The following KSR2 variants were observed in gnomAD, a reference collection of about 807,000 sequenced individuals.
KSR2 encodes kinase suppressor of ras 2.
Under a neutral mutation model 107.8 loss-of-function variants are expected in KSR2, and 25 were observed. That is an observed-to-expected ratio of 0.23 (90% confidence interval 0.17 to 0.32). The LOEUF (loss-of-function observed/expected upper bound fraction) is 0.32, where lower values mean the gene tolerates loss of function less well. Among genes scored for constraint, KSR2 ranks in the 10% least tolerant of loss-of-function variants. The probability of loss-of-function intolerance (pLI) is 1.00; values close to 1 mark genes in which losing one functional copy is unlikely to be tolerated. For synonymous variants in KSR2, 480 were observed against 507.0 expected (o/e 0.95, Z 0.71); for missense variants, 887 against 1,268.9 (o/e 0.70, Z 4.57).
intron 4 of KSR2, among the ~76,000 whole-genome samples, chr12:117,760,746 C>G (rs1565999478): frequency 6.6e-6 from 1 of 152,206 alleles, no homozygotes; most frequent in Non-Finnish European, 1.5e-5. Context: ...GTTCCAATAC[C>G]TTTTATTTAC....
At chr12:117,574,624 T>TC (rs1395188753) in intron 7 of KSR2, among the ~76,000 whole-genome samples, 12 of 152,094 alleles carry the variant, frequency 7.9e-5, no homozygotes, top group Admixed American at 6.5e-4. Flanking sequence ...TCCTGCCGGG[T>TC]CCCTCCCACA....
At chr12:117,964,595 T>C (rs530894676) in intron 1 of KSR2, among the ~76,000 whole-genome samples, 1 of 152,320 alleles carries the variant, frequency 6.6e-6, no homozygotes, top group South Asian at 2.1e-4. Context: ...GTCAACACCA[T>C]GTAATGCCAA....
chr12:117,902,201 G>A (rs1009824970), intron 1 of KSR2, among the ~76,000 whole-genome samples: 2 of 152,206 alleles, frequency 1.3e-5, no homozygotes, highest in African/African-American at 2.4e-5. Context: ...GCTCACACCT[G>A]TAATCCCAGA....
At position 117,705,556 on chromosome 12, in the gene KSR2, G is replaced by A. The variant is rs1379341244; in HGVS notation, c.987-37898C>T. ...AATAACTTCAGGTCCTACAGCCCCA[G>A]CCTCAACTTGGCCTTGGCTTGACAT... On this transcript the variant is annotated intron_variant, in intron 4 of 19. Coordinates refer to ENST00000339824, the MANE Select transcript of KSR2 (RefSeq NM_173598.6). 2.0e-5 allele frequency among the ~76,000 whole-genome samples: 3 copies of A among 152,168 alleles called. No individual in the cohort carries two copies. In the East Asian group the frequency reaches 5.8e-4, roughly 29 times the overall value.
At chr12:117,468,413 T>C (rs2137109435) in intron 19 of KSR2, among the ~76,000 whole-genome samples, 2 of 152,300 alleles carry the variant, frequency 1.3e-5, no homozygotes, top group South Asian at 4.1e-4. Context: ...TCTATGTCTG[T>C]CTGTAAAGTT....
At chr12:117,705,790 T>C (rs1383507287) in intron 4 of KSR2, among the ~76,000 whole-genome samples, 1 of 152,136 alleles carries the variant, frequency 6.6e-6, no homozygotes, top group Non-Finnish European at 1.5e-5. Flanking sequence ...CTCCCCTCTT[T>C]GGGAATTCTT....
At chr12:117,527,191 C>T (rs1048510074) in intron 12 of KSR2, 72 bp from the exon 13 acceptor site, 21 of 1,104,008 alleles carry the variant, frequency 1.9e-5, no homozygotes, top group Admixed American at 1.1e-4. Context: ...TAGCTATGTA[C>T]GAAGAATCCC....
chr12:117,567,147 T>C (rs1263344879), intron 7 of KSR2, among the ~76,000 whole-genome samples: 1 of 152,014 alleles, frequency 6.6e-6, no homozygotes, highest in South Asian at 2.1e-4. Flanking sequence ...AAATAAAACA[T>C]AGTAGTATGT....
In KSR2 at chr12:117,456,696, A is replaced by C; in HGVS notation, c.*10503T>G. ...ACTCGTCCTCTCTGTTACCCTTCCC[A>C]ATCCTGGGACTGCCGGAAGCTCCAG... On this transcript the variant is annotated 3_prime_UTR_variant, in exon 20 of 20. Transcript: ENST00000339824. The C allele has an allele frequency of 6.6e-6, 1 of 152,104 alleles. No individual in the cohort carries two copies. The highest frequency in any genetic ancestry group is 1.9e-4 in the East Asian group (1 of 5,194). The allele number at this position is 152,104 out of a possible 1,614,324, so 9.4% of individuals were successfully genotyped here.
chr12:117,666,369 T>C (rs1884660632), intron 5 of KSR2, among the ~76,000 whole-genome samples: 1 of 152,206 alleles, frequency 6.6e-6, no homozygotes, highest in Non-Finnish European at 1.5e-5. Flanking sequence ...ATAAAAGTAA[T>C]GAAGGAAACC....
intron 3 of KSR2, among the ~76,000 whole-genome samples, chr12:117,806,958 G>A (rs148510520): frequency 7.6e-4 from 116 of 152,336 alleles, no homozygotes; most frequent in Non-Finnish European, 1.4e-3. Context: ...CAGAGTGCCT[G>A]TCCCCGTGCC....
intron 4 of KSR2, among the ~76,000 whole-genome samples, chr12:117,676,067 C>A (rs1223837126): frequency 6.6e-6 from 1 of 152,172 alleles, no homozygotes; most frequent in Non-Finnish European, 1.5e-5. Context: ...TCAAAGAATG[C>A]ACAATGTTCT....
intron 14 of KSR2, among the ~76,000 whole-genome samples, chr12:117,487,908 T>C (rs867544966): frequency 1.4e-4 from 22 of 152,152 alleles, no homozygotes; most frequent in African/African-American, 5.3e-4. Flanking sequence ...GAAATATACA[T>C]ACAAATAACC....
intron 5 of KSR2, among the ~76,000 whole-genome samples, chr12:117,624,718 A>T (rs878936139): frequency 6.6e-6 from 1 of 152,146 alleles, no homozygotes; most frequent in Non-Finnish European, 1.5e-5. Flanking sequence ...GTTCCATATG[A>T]ACCTTAAAGT....
chr12:117,749,154 C>T (rs1447256845), intron 4 of KSR2, among the ~76,000 whole-genome samples: 1 of 148,594 alleles, frequency 6.7e-6, no homozygotes, highest in Non-Finnish European at 1.5e-5. Context: ...AACAATACCT[C>T]CCAGGCCGAG....
At chr12:117,782,830 G>A (rs1305958267) in intron 3 of KSR2, among the ~76,000 whole-genome samples, 1 of 152,140 alleles carries the variant, frequency 6.6e-6, no homozygotes, top group East Asian at 1.9e-4. Flanking sequence ...AGAAAAAGAA[G>A]AAAACAGGAA....
chr12:117,740,067 T>C (rs2393256), intron 4 of KSR2, among the ~76,000 whole-genome samples: 135,466 of 149,630 alleles, frequency 0.91, 61,629 homozygotes, highest in African/African-American at 0.98. Context: ...TAGTCTTTTA[T>C]CCCTCAGTGG....
intron 5 of KSR2, among the ~76,000 whole-genome samples, chr12:117,585,024 G>C (rs190390614): frequency 4.5e-4 from 69 of 152,344 alleles, no homozygotes; most frequent in African/African-American, 1.6e-3. Flanking sequence ...GGCAATGTCT[G>C]GGGACATTTT....
intron 5 of KSR2, among the ~76,000 whole-genome samples, chr12:117,625,837 C>T (rs927428016): frequency 6.6e-6 from 1 of 152,016 alleles, no homozygotes; most frequent in Non-Finnish European, 1.5e-5. Context: ...TGGTCCTGGA[C>T]TTTTTTGGTT....
Sources: allele counts gnomAD v4.1 joint callset (sites outside exome capture counted in the v4.1 genomes callset), GRCh38; gene constraint gnomAD v4.1.1; transcripts MANE v1.5; gene names NCBI Gene and HGNC (gene_info 2026-07-23, HGNC 2026-07-21).